ADGRG6: variants seen among roughly 807,000 people sequenced by gnomAD.
The protein encoded by ADGRG6 is adhesion G protein-coupled receptor G6.
A neutral mutation model predicts 142.4 loss-of-function variants in ADGRG6; 84 were observed. The observed-to-expected ratio is 0.59, with a 90% CI of 0.49 to 0.71. The LOEUF is 0.71. Ranked by LOEUF, ADGRG6 falls within the 30% of genes least tolerant of loss-of-function variation. The pLI is 0.00. For synonymous variants in ADGRG6, 521 were observed against 520.5 expected (o/e 1.00, Z -0.01); for missense variants, 1,367 against 1,466.6 (o/e 0.93, Z 1.11).
chr6:142,427,197 T>C (rs1043346860), intron 22 of ADGRG6, among the ~76,000 whole-genome samples: 1 of 152,204 alleles, frequency 6.6e-6, no homozygotes, highest in African/African-American at 2.4e-5. Context: ...ACTTTAATGC[T>C]CTGTTTCCCT....
At chr6:142,339,563 G>A (rs1336032389) in intron 2 of ADGRG6, among the ~76,000 whole-genome samples, 1 of 152,078 alleles carries the variant, frequency 6.6e-6, no homozygotes, top group African/African-American at 2.4e-5. Context: ...ATTGTATGTT[G>A]TTACTAATAT....
chr6:142,324,245 C>A (rs1778655165), intron 2 of ADGRG6, among the ~76,000 whole-genome samples: 1 of 152,030 alleles, frequency 6.6e-6, no homozygotes, highest in South Asian at 2.1e-4. Flanking sequence ...ATAAACATTT[C>A]TTTAAGTGTA....
At chr6:142,414,153 G>GT (rs1311653873) in intron 18 of ADGRG6, among the ~76,000 whole-genome samples, 1 of 152,118 alleles carries the variant, frequency 6.6e-6, no homozygotes, top group Non-Finnish European at 1.5e-5. Flanking sequence ...GATTGAGTGA[G>GT]TGGTCTTACC....
intron 22 of ADGRG6, among the ~76,000 whole-genome samples, chr6:142,427,721 C>T (rs988368829): frequency 2.0e-5 from 3 of 152,128 alleles, no homozygotes; most frequent in Admixed American, 2.0e-4. Context: ...ACTTACAGTT[C>T]CATGTGACTG....
chr6:142,387,226 C>T (rs1292675408), intron 6 of ADGRG6, among the ~76,000 whole-genome samples: 1 of 152,038 alleles, frequency 6.6e-6, no homozygotes, highest in Non-Finnish European at 1.5e-5. Context: ...TATTCCATTC[C>T]AAATCATATC....
At chr6:142,318,486 T>G (rs1778351471) in intron 2 of ADGRG6, among the ~76,000 whole-genome samples, 1 of 141,316 alleles carries the variant, frequency 7.1e-6, no homozygotes. Context: ...GCTAAATCAT[T>G]GCCTTTAATG....
intron 2 of ADGRG6, among the ~76,000 whole-genome samples, chr6:142,318,584 A>T (rs912539873): frequency 6.6e-6 from 1 of 150,644 alleles, no homozygotes; most frequent in African/African-American, 2.4e-5. Flanking sequence ...AATTATAGAC[A>T]TGATGTCAAG....
At position 142,402,813 on chromosome 6, in the gene ADGRG6, G is replaced by T; in HGVS notation, c.1938G>T (p.Leu646Phe). ...TCTTAAGCAGTTCAGACAGTGACTT[G>T]CTTGAGTCATCTTCTGAGTAAGTAT... Reference protein sequence around the residue: ...SNILSSSDSDLLESSSEALKT... With the variant: ...SNILSSSDSDFLESSSEALKT... Residue 646 changes from leucine to phenylalanine, a missense_variant, in exon 13 of 25, where the codon TTG becomes TTT. Transcript: ENST00000367609. The T allele has an allele frequency of 6.4e-7, 1 of 1,570,606 alleles. No individual in the cohort carries two copies. Among genetic ancestry groups the T allele is most frequent in the Non-Finnish European group, 8.7e-7 (1 of 1,153,346 alleles).
At chr6:142,395,718 T>C (rs932303858) in intron 9 of ADGRG6, among the ~76,000 whole-genome samples, 3 of 152,224 alleles carry the variant, frequency 2.0e-5, no homozygotes, top group Admixed American at 6.5e-5. Flanking sequence ...TTTATGTTTA[T>C]AGCCTTTCTT....
At chr6:142,321,786 C>G (rs1369546735) in intron 2 of ADGRG6, among the ~76,000 whole-genome samples, 1 of 152,022 alleles carries the variant, frequency 6.6e-6, no homozygotes, top group Non-Finnish European at 1.5e-5. Flanking sequence ...ATACATTTAT[C>G]AAAACTCATT....
At chr6:142,417,888 C>A (rs1461997755) in intron 21 of ADGRG6, among the ~76,000 whole-genome samples, 1 of 152,000 alleles carries the variant, frequency 6.6e-6, no homozygotes, top group Non-Finnish European at 1.5e-5. Flanking sequence ...ATTAGTCCAC[C>A]ATGGGTACTC....
At position 142,370,338 on chromosome 6, in the gene ADGRG6, C is replaced by A. The variant is rs1364665962; in HGVS notation, c.614C>A (p.Ser205Ter). Residue 205 changes from serine to a stop codon, truncating the protein, a stop_gained, in exon 4 of 25, where the codon TCA becomes TAA. Coordinates refer to ENST00000367609, the MANE Select transcript of ADGRG6 (RefSeq NM_198569.3). LOFTEE classifies it high-confidence loss of function. ...EDSDWTAFSY[S>*]NASFTQLLSF... The stretch of plus-strand genomic sequence containing the variant: ...AGTGATTGGACAGCTTTCTCCTACT[C>A]AAATGCATCCTTCACACAATTGCTC... 6.2e-7 allele frequency: 1 copy of A among 1,613,636 alleles called. No individual in the cohort carries two copies. The highest frequency in any genetic ancestry group is 1.1e-5 in the South Asian group (1 of 91,074).
Position 142,341,593 on chromosome 6 carries a change from T to TTATATATACTATATAATATATAATATATA in ADGRG6, c.104-25976_104-25975insTATATATACTATATAATATATAATATATA, listed in dbSNP as rs1562324085. ...ATATTATGTAGTATATATAATATTA[T>TTATATATACTATATAATATATAATATATA]ATATTATATATACTATATAATATGT... On this transcript the variant is annotated intron_variant, in intron 2 of 24. Transcript: ENST00000367609. Among the ~76,000 whole-genome samples the TTATATATACTATATAATATATAATATATA allele has an allele frequency of 6.3e-3, 802 of 126,762 alleles. 16 individuals are homozygous for TTATATATACTATATAATATATAATATATA. The highest frequency in any genetic ancestry group is 0.023 in the African/African-American group (754 of 32,808). The allele number at this position is 126,762 out of a possible 152,430, so 83.2% of individuals were successfully genotyped here. A position where few individuals can be genotyped will look rare whatever the true frequency, so the allele number is the denominator to read the frequency against.
At chr6:142,436,943 A>G (rs990832325) in intron 22 of ADGRG6, among the ~76,000 whole-genome samples, 2 of 152,180 alleles carry the variant, frequency 1.3e-5, no homozygotes, top group Non-Finnish European at 1.5e-5. Flanking sequence ...CAAAAAGACC[A>G]CTTTTCTATG....
At chr6:142,317,799 ATTATATATAT>A (rs1378791511) in intron 2 of ADGRG6, among the ~76,000 whole-genome samples, 3 of 91,538 alleles carry the variant, frequency 3.3e-5, no homozygotes, top group African/African-American at 9.2e-5. Context: ...TAATATATAT[ATTATATATAT>A]TTATATATAT....
intron 6 of ADGRG6, among the ~76,000 whole-genome samples, chr6:142,386,044 A>T (rs1782002061): frequency 6.6e-6 from 1 of 152,200 alleles, no homozygotes; most frequent in Admixed American, 6.5e-5. Flanking sequence ...AATCAATAAC[A>T]ATATTGCATT....
At chr6:142,313,123 A>T (rs548585200) in intron 2 of ADGRG6, among the ~76,000 whole-genome samples, 1 of 152,076 alleles carries the variant, frequency 6.6e-6, no homozygotes, top group Non-Finnish European at 1.5e-5. Context: ...TTGCCTTCTT[A>T]CAACGATCAG....
chr6:142,441,424 T>C (rs533968565), intron 24 of ADGRG6, among the ~76,000 whole-genome samples: 1 of 152,302 alleles, frequency 6.6e-6, no homozygotes, highest in East Asian at 1.9e-4. Flanking sequence ...TAATAGTTCA[T>C]ATCCCTAGCC....
At chr6:142,433,223 A>G (rs7738232) in intron 22 of ADGRG6, among the ~76,000 whole-genome samples, 2,955 of 152,290 alleles carry the variant, frequency 0.019, 91 homozygotes, top group African/African-American at 0.066. Context: ...CTGGAGCTGC[A>G]GCCTCCGTCA....
Sources: gnomAD v4.1 joint callset for allele counts (sites outside exome capture counted in the v4.1 genomes callset) on GRCh38, gnomAD v4.1.1 for gene constraint, MANE v1.5 for transcripts, NCBI Gene and HGNC (gene_info 2026-07-23, HGNC 2026-07-21) for gene names.